The following SCYL2 variants were observed in gnomAD, a reference collection of about 807,000 sequenced individuals.
The protein encoded by SCYL2 is SCY1 like pseudokinase 2, also known as SCY1-like protein 2.
In SCYL2, 36 loss-of-function variants were observed where a neutral mutation model predicts 100.4. That is an observed-to-expected ratio of 0.36 (90% CI 0.27 to 0.47). The LOEUF is 0.47. Ranked by LOEUF, SCYL2 falls within the 20% of genes least tolerant of loss-of-function variation. The pLI is 1.00. For missense variants in SCYL2, 902 were observed against 1,083.9 expected (o/e 0.83, Z 2.36); for synonymous variants, 330 against 359.2 (o/e 0.92, Z 0.92).
intron 4 of SCYL2, among the ~76,000 whole-genome samples, chr12:100,301,719 G>A (rs1347028221): frequency 6.6e-6 from 1 of 152,232 alleles, no homozygotes; most frequent in East Asian, 1.9e-4. Flanking sequence ...AAGAGCCTAG[G>A]CTTGGACTTG....
At chr12:100,278,972 G>A (rs1278671509) in intron 1 of SCYL2, among the ~76,000 whole-genome samples, 1 of 152,098 alleles carries the variant, frequency 6.6e-6, no homozygotes, top group Non-Finnish European at 1.5e-5. Flanking sequence ...TAATTTACTT[G>A]TTTTCTGTGG....
intron 11 of SCYL2, among the ~76,000 whole-genome samples, chr12:100,324,030 T>C (rs1376199992): frequency 6.6e-6 from 1 of 152,170 alleles, no homozygotes; most frequent in Non-Finnish European, 1.5e-5. Context: ...TATTGGTCTC[T>C]AAATGTCTTA....
At chr12:100,323,675 A>C (rs759269055) in intron 11 of SCYL2, 37 bp downstream of exon 11, 2 of 1,069,022 alleles carry the variant, frequency 1.9e-6, no homozygotes, top group Non-Finnish European at 2.8e-6. Context: ...TTTTCTTTTC[A>C]CTTGTCAGTG....
chr12:100,301,831 A>G (rs2096328050), intron 4 of SCYL2, among the ~76,000 whole-genome samples: 1 of 152,210 alleles, frequency 6.6e-6, no homozygotes, highest in Non-Finnish European at 1.5e-5. Context: ...TTTCTCAAAT[A>G]AAGGGAGTCT....
intron 4 of SCYL2, among the ~76,000 whole-genome samples, chr12:100,300,172 T>C (rs956412043): frequency 1.3e-5 from 2 of 152,188 alleles, no homozygotes; most frequent in African/African-American, 4.8e-5. Context: ...AGGTGAAATA[T>C]CTCTTCAGAT....
chr12:100,327,358 A>T (rs1490656402), intron 12 of SCYL2: 1 of 159,790 alleles, frequency 6.3e-6, no homozygotes, highest in Non-Finnish European at 1.4e-5. Flanking sequence ...CATAATTACA[A>T]ATTACTAAGA....
intron 12 of SCYL2, among the ~76,000 whole-genome samples, chr12:100,327,730 G>C (rs1486700919): frequency 6.6e-6 from 1 of 151,988 alleles, no homozygotes; most frequent in Non-Finnish European, 1.5e-5. Flanking sequence ...TGGCCAGGCT[G>C]GTCTTGAACT....
At chr12:100,289,254 T>G (rs1032930583) in intron 2 of SCYL2, among the ~76,000 whole-genome samples, 1 of 152,208 alleles carries the variant, frequency 6.6e-6, no homozygotes, top group Admixed American at 6.5e-5. Context: ...CTGATTTCTT[T>G]CTTGAAGACA....
chr12:100,312,048 A>G (rs886190002), intron 5 of SCYL2, among the ~76,000 whole-genome samples: 1 of 152,320 alleles, frequency 6.6e-6, no homozygotes, highest in Non-Finnish European at 1.5e-5. Flanking sequence ...AATCGTTACT[A>G]CAATCTTTTG....
At position 100,323,645 on chromosome 12, in the gene SCYL2, A is replaced by C. The variant is rs1387742733; in HGVS notation, c.1509+7A>C. On this transcript the variant is annotated splice_region_variant and intron_variant, in intron 11 of 17. Transcript: ENST00000360820. Reference sequence around the variant, plus strand: ...ACAAACATCTTCCCTTGCGGTAAGTAATTGCATATTAATTTTTGTTTTTCT... The same window carrying C: ...ACAAACATCTTCCCTTGCGGTAAGTCATTGCATATTAATTTTTGTTTTTCT... The C allele has an allele frequency of 6.9e-7, 1 of 1,456,448 alleles. No homozygotes were observed. The highest frequency in any genetic ancestry group is 9.5e-7 in the Non-Finnish European group (1 of 1,056,204). The allele number at this position is 1,456,448 out of a possible 1,614,324, so 90.2% of individuals were successfully genotyped here. A position where few individuals can be genotyped will look rare whatever the true frequency, so the allele number is the denominator to read the frequency against.
chr12:100,296,271 A>G (rs1158990301), intron 3 of SCYL2, among the ~76,000 whole-genome samples: 2 of 152,224 alleles, frequency 1.3e-5, no homozygotes, highest in African/African-American at 4.8e-5. Context: ...TTTTTAATGA[A>G]TTAATAATAC....
At chr12:100,323,424 A>G in intron 10 of SCYL2, 101 bp from the exon 11 acceptor site, 1 of 689,898 alleles carries the variant, frequency 1.4e-6, no homozygotes, top group Non-Finnish European at 2.5e-6. Flanking sequence ...AATTTGTTTC[A>G]AACTATATGA....
chr12:100,310,316 A>G (rs895380330), intron 4 of SCYL2, among the ~76,000 whole-genome samples: 1 of 152,128 alleles, frequency 6.6e-6, no homozygotes. Flanking sequence ...CTTTTTTTAA[A>G]TAGTAGCCAT....
At chr12:100,310,650 A>G (rs1228565408) in intron 4 of SCYL2, among the ~76,000 whole-genome samples, 1 of 152,224 alleles carries the variant, frequency 6.6e-6, no homozygotes, top group Non-Finnish European at 1.5e-5. Context: ...AGGAAAACTG[A>G]ATTTCAATCT....
rs769803672 is a variant in SCYL2, at chr12:100,339,216, T to C, written c.*44T>C. The C allele has an allele frequency of 3.9e-6, 6 of 1,555,876 alleles. No homozygotes were observed. In the Admixed American group the frequency reaches 1.1e-4, roughly 28 times the overall value. On this transcript the variant is annotated 3_prime_UTR_variant, in exon 18 of 18. Transcript: ENST00000360820. Reference sequence around the variant, plus strand: ...TGAAGGATTATTTCAGTTTCAATCATGGGTGAGCTGATTTACATCTTTATA... The same window carrying C: ...TGAAGGATTATTTCAGTTTCAATCACGGGTGAGCTGATTTACATCTTTATA...
intron 1 of SCYL2, among the ~76,000 whole-genome samples, chr12:100,271,320 A>C (rs1368990211): frequency 6.7e-6 from 1 of 149,876 alleles, no homozygotes; most frequent in Non-Finnish European, 1.5e-5. Context: ...CTTTCTTTAG[A>C]TACAAACAGG....
At chr12:100,294,789 C>A (rs868676370) in intron 3 of SCYL2, among the ~76,000 whole-genome samples, 1 of 136,658 alleles carries the variant, frequency 7.3e-6, no homozygotes, top group African/African-American at 2.8e-5. Context: ...GCTGGCCGGG[C>A]GGGGGGCTGA....
intron 11 of SCYL2, among the ~76,000 whole-genome samples, chr12:100,326,193 G>C (rs1168678090): frequency 6.6e-6 from 1 of 152,094 alleles, no homozygotes; most frequent in Admixed American, 6.5e-5. Flanking sequence ...AAAATATTTA[G>C]TTTAAAAATG....
chr12:100,329,071 T>C, intron 12 of SCYL2, 130 bp from the exon 13 acceptor site: 1 of 562,944 alleles, frequency 1.8e-6, no homozygotes, highest in Non-Finnish European at 3.2e-6. Context: ...ACATCATTAT[T>C]CTAGGCATTG....
Sources: allele counts gnomAD v4.1 joint callset (sites outside exome capture counted in the v4.1 genomes callset), GRCh38; gene constraint gnomAD v4.1.1; transcripts MANE v1.5; gene names NCBI Gene and HGNC (gene_info 2026-07-23, HGNC 2026-07-21).